Variants in RBP3 observed in about 807,000 individuals in gnomAD.
RBP3 encodes retinol-binding protein 3.
Under a neutral mutation model 64.8 loss-of-function variants are expected in RBP3, and 50 were observed. The ratio of observed to expected loss-of-function variants is 0.77; its 90% confidence interval spans 0.61 to 0.98. The LOEUF (loss-of-function observed/expected upper bound fraction) is 0.98. Among genes scored for constraint, RBP3 ranks in the 50% least tolerant of loss-of-function variants. The pLI, the probability that RBP3 is intolerant of heterozygous loss-of-function variation, is 0.00. For synonymous variants in RBP3, 828 were observed against 730.2 expected (o/e 1.13, Z -2.16); for missense variants, 1,712 against 1,660.5 (o/e 1.03, Z -0.54).
Position 47,350,320 on chromosome 10 carries a change from G to A in RBP3, c.1836G>A (p.Val612=), listed in dbSNP as rs782420993. Residue 612 remains valine, a synonymous_variant, in exon 1 of 4, where the codon GTG becomes GTA. Coordinates refer to ENST00000584701, the MANE Select transcript of RBP3 (RefSeq NM_002900.3). ...AGGCCTGGCTGGGTGGTGGAGTGGTGCCCGATGCCATCGTGCTGGCCGAGG... is the reference window on the plus strand; with the variant it reads ...AGGCCTGGCTGGGTGGTGGAGTGGTACCCGATGCCATCGTGCTGGCCGAGG... ...HGEAWLGGGV[V]PDAIVLAEEA... is the part of the protein sequence containing the mutation. The A allele has an allele frequency of 1.2e-6, 2 of 1,610,872 alleles. No homozygotes were observed. The highest frequency in any genetic ancestry group is 1.7e-6 in the Non-Finnish European group (2 of 1,179,922).
rs151075954 is a variant in RBP3 at position 47,349,069 on chromosome 10, C to A, written c.585C>A (p.His195Gln). ...TGCACCCAGGGAACACCATCCTGCACGTGGACACTATCTACAACCGCCCCT... is the reference window on the plus strand; with the variant it reads ...TGCACCCAGGGAACACCATCCTGCAAGTGGACACTATCTACAACCGCCCCT... ...SYLHPGNTIL[H>Q]VDTIYNRPSN... The change falls in exon 1 of 4, where the codon CAC becomes CAA. Residue 195 changes from histidine (H) to glutamine (Q), a missense_variant. Coordinates refer to ENST00000584701, the MANE Select transcript of RBP3 (RefSeq NM_002900.3). The A allele has an allele frequency of 3.7e-6, 6 of 1,614,006 alleles. No homozygotes were observed. The South Asian group carries it at 6.6e-5, about 18-fold the overall frequency.
rs34691259 is a variant in RBP3, at chr10:47,350,731, C to T, written c.2247C>T (p.Asp749=). Residue 749 remains aspartate (D), a synonymous_variant, in exon 1 of 4, where the codon GAC becomes GAT. Coordinates refer to ENST00000584701, the MANE Select transcript of RBP3 (RefSeq NM_002900.3). ...LPGQLGYLRF[D]AMAELETVKA... ...GCCAGCTGGGCTACCTGCGTTTTGA[C>T]GCCATGGCTGAACTGGAGACAGTGA... The T allele has an allele frequency of 4.7e-3, 7,631 of 1,613,168 alleles. 271 individuals carry two copies. In the African/African-American group the frequency reaches 0.083, roughly 18 times the overall value.
chr10:47,349,722 C>T lies in RBP3; in HGVS notation c.1238C>T (p.Pro413Leu). ...GCCGAAGACTCACCAGGGGTGGCCC[C>T]AGAGTTGCCTGAGGACGAGGCTATC... The part of the protein sequence containing the change: ...AAAEDSPGVA[P>L]ELPEDEAIRQ... Residue 413 changes from proline to leucine, a missense_variant, in exon 1 of 4, where the codon CCA becomes CTA. Transcript: ENST00000584701. 6.2e-7 allele frequency: 1 copy of T among 1,612,230 alleles called. No homozygotes were observed. Among genetic ancestry groups the T allele is most frequent in the Non-Finnish European group, 8.5e-7 (1 of 1,180,008 alleles).
In RBP3 at chr10:47,349,292, A is replaced by G; in HGVS notation, c.808A>G (p.Arg270Gly). 6.2e-7 allele frequency: 1 copy of G among 1,612,892 alleles called. No individual in the cohort carries two copies. ...GGGALDLRKL[R>G]IGESDFFFTV... ...AGGGGCCCTGGACCTCCGGAAGCTG[A>G]GGATAGGCGAGTCTGACTTCTTCTT... The change falls in exon 1 of 4, where the codon AGG (arginine) becomes GGG (glycine). Residue 270 changes from arginine to glycine, a missense_variant. Arg to Gly is a moderately radical substitution (Grantham distance 125). Transcript: ENST00000584701.
intron 1 of RBP3, 125 bp from the exon 2 acceptor site, chr10:47,353,200 T>C: frequency 1.2e-6 from 1 of 868,400 alleles, no homozygotes; most frequent in South Asian, 1.4e-5. Context: ...CCCTGGTGTC[T>C]ACTAATTCCT....
rs1360716758 is a variant in RBP3, at chr10:47,348,946, C to A, written c.462C>A (p.His154Gln). Residue 154 changes from histidine (H) to glutamine (Q), a missense_variant, in exon 1 of 4, where the codon CAC becomes CAA. Transcript: ENST00000584701. ...LSMMGEFLVA[H>Q]VWGNLMGTSA... ...TGATGGGGGAGTTCCTGGTGGCCCACGTGTGGGGGAATCTCATGGGCACCT... is the reference window on the plus strand; with the variant it reads ...TGATGGGGGAGTTCCTGGTGGCCCAAGTGTGGGGGAATCTCATGGGCACCT... The A allele has an allele frequency of 1.9e-6, 3 of 1,613,896 alleles. No individual in the cohort carries two copies. The highest frequency in any genetic ancestry group is 1.3e-5 in the African/African-American group (1 of 75,058).
Position 47,351,420 on chromosome 10 carries a change from T to C in RBP3, c.2936T>C (p.Val979Ala). Residue 979 changes from valine (V) to alanine (A), a missense_variant, in exon 1 of 4, where the codon GTG becomes GCG. Coordinates refer to ENST00000584701, the MANE Select transcript of RBP3 (RefSeq NM_002900.3). ...CGCTACTCCAGGGTGACCTCAGAAG[T>C]GGCCCTAGCCGAGATCCTGGGGGCT... ...QSRYSRVTSE[V>A]ALAEILGADL... is the part of the protein sequence containing the mutation. 6.2e-7 allele frequency: 1 copy of C among 1,613,692 alleles called. No individual in the cohort carries two copies. The highest frequency in any genetic ancestry group is 2.2e-5 in the East Asian group (1 of 44,868).
rs1836903244 is a variant in RBP3 at position 47,349,143 on chromosome 10, G to C, written c.659G>C (p.Arg220Thr). The C allele has an allele frequency of 3.1e-6, 5 of 1,613,980 alleles. No homozygotes were observed. The highest frequency in any genetic ancestry group is 3.4e-6 in the Non-Finnish European group (4 of 1,180,042). Residue 220 changes from arginine to threonine, a missense_variant, in exon 1 of 4, where the codon AGG (arginine) becomes ACG (threonine). Arg to Thr is a moderately conservative substitution (Grantham distance 71). Transcript: ENST00000584701. Reference protein sequence around the residue: ...IWTLPQVLGERYGADKDVVVL... With the variant: ...IWTLPQVLGETYGADKDVVVL... ...ACCTTGCCCCAGGTCCTGGGAGAAA[G>C]GTACGGTGCCGACAAGGATGTGGTG... is the stretch of plus-strand genomic sequence containing the variant.
Position 47,351,243 on chromosome 10 carries a change from T to A in RBP3, c.2759T>A (p.Met920Lys), listed in dbSNP as rs1836968277. Residue 920 changes from methionine to lysine, a missense_variant, in exon 1 of 4, where the codon ATG becomes AAG. Transcript: ENST00000584701. The part of the protein sequence containing the change: ...AGVEPDITVP[M>K]SEALSIAQDI... ...GTGGAGCCCGACATCACTGTGCCCA[T>A]GAGCGAAGCCCTTTCCATAGCCCAG... 4 of 1,613,360 alleles carry A rather than the reference T, an allele frequency of 2.5e-6. No homozygotes were observed. Among genetic ancestry groups the A allele is most frequent in the South Asian group, 2.2e-5 (2 of 91,084 alleles).
rs144162826 is a variant in RBP3 at position 47,349,180 on chromosome 10, C to T, written c.696C>T (p.Ser232=). 2 of 1,613,632 alleles carry T rather than the reference C, an allele frequency of 1.2e-6. No individual in the cohort carries two copies. The highest frequency in any genetic ancestry group is 1.7e-6 in the Non-Finnish European group (2 of 1,180,046). ...GADKDVVVLT[S]SQTRGVAEDI... Reference sequence around the variant, plus strand: ...ACAAGGATGTGGTGGTCCTCACCAGCAGCCAGACCAGGGGCGTGGCCGAGG... The same window carrying T: ...ACAAGGATGTGGTGGTCCTCACCAGTAGCCAGACCAGGGGCGTGGCCGAGG... Residue 232 remains serine (S), a synonymous_variant, in exon 1 of 4, where the codon AGC becomes AGT. Transcript: ENST00000584701.
intron 2 of RBP3, among the ~76,000 whole-genome samples, chr10:47,354,781 A>G (rs556538935): frequency 6.6e-6 from 1 of 152,250 alleles, no homozygotes; most frequent in South Asian, 2.1e-4. Context: ...AGGCTCCTTA[A>G]CACATCACTA....
chr10:47,353,182 G>A, intron 1 of RBP3, 143 bp from the exon 2 acceptor site: 2 of 742,590 alleles, frequency 2.7e-6, no homozygotes, highest in Non-Finnish European at 4.7e-6. Flanking sequence ...ACATGCCACT[G>A]GGAAAGTCCC....
rs565151254 is a variant in RBP3 at position 47,355,608 on chromosome 10, A to G, written c.3388+90A>G. 1.9e-6 allele frequency: 3 copies of G among 1,547,074 alleles called. No individual in the cohort carries two copies. In the African/African-American group the frequency reaches 4.1e-5, roughly 21 times the overall value. ...CAGCTTGGGTGTAGGTAAAAGTCATAGTAACCAGAATGTAAGGCCCTGTCC... is the reference window on the plus strand; with the variant it reads ...CAGCTTGGGTGTAGGTAAAAGTCATGGTAACCAGAATGTAAGGCCCTGTCC... On this transcript the variant is annotated intron_variant, in intron 3 of 3. Transcript: ENST00000584701.
At chr10:47,354,474 A>C (rs1837020999) in intron 2 of RBP3, among the ~76,000 whole-genome samples, 1 of 152,136 alleles carries the variant, frequency 6.6e-6, no homozygotes, top group Admixed American at 6.6e-5. Context: ...CCTCCCTGGG[A>C]GATAAAACAT....
In RBP3 at chr10:47,348,613, G is replaced by T. The variant is rs1284181576; in HGVS notation, c.129G>T (p.Glu43Asp). Reference protein sequence around the residue: ...KVLLDNYCFPENLLGMQEAIQ... With the variant: ...KVLLDNYCFPDNLLGMQEAIQ... ...TCTTGGATAACTACTGCTTCCCGGA[G>T]AACCTGCTGGGCATGCAGGAAGCCA... The change falls in exon 1 of 4, where the codon GAG (glutamate) becomes GAT (aspartate). Residue 43 changes from glutamate to aspartate, a missense_variant. Coordinates refer to ENST00000584701, the MANE Select transcript of RBP3 (RefSeq NM_002900.3). 6.2e-7 allele frequency: 1 copy of T among 1,613,374 alleles called. No homozygotes were observed. The highest frequency in any genetic ancestry group is 8.5e-7 in the Non-Finnish European group (1 of 1,180,034).
chr10:47,355,641 G>A (rs782034888), intron 3 of RBP3, 123 bp downstream of exon 3: 1 of 1,216,568 alleles, frequency 8.2e-7, no homozygotes, highest in Non-Finnish European at 1.2e-6. Context: ...TCCTAGTCCA[G>A]GCACTAGATG....
chr10:47,350,213 C>T lies in RBP3; in HGVS notation c.1729C>T (p.Arg577Cys), dbSNP rs149750989. ...EITAGNLLHT[R>C]TVPLLDTPEG... ...CACCGCGGGCAACCTGCTGCACACC[C>T]GCACGGTGCCGCTGCTGGACACACC... is the stretch of plus-strand genomic sequence containing the variant. The change falls in exon 1 of 4, where the codon CGC becomes TGC. Residue 577 changes from arginine (R) to cysteine (C), a missense_variant. Coordinates refer to ENST00000584701, the MANE Select transcript of RBP3 (RefSeq NM_002900.3). The T allele has an allele frequency of 6.8e-6, 11 of 1,609,262 alleles. No homozygotes were observed. The highest frequency in any genetic ancestry group is 2.2e-5 in the East Asian group (1 of 44,882).
Position 47,349,035 on chromosome 10 carries a change from TCTC to T in RBP3, c.554_556del (p.Ser185del). On this transcript the variant is annotated inframe_deletion, in exon 1 of 4. Transcript: ENST00000584701. ...CAGGTCTCTGGCATTCCCTACATCA[TCTC>T]CTACCTGCACCCAGGGAACACCATC... 1 of 1,613,828 alleles carries T rather than the reference TCTC, an allele frequency of 6.2e-7. No individual in the cohort carries two copies. Among genetic ancestry groups the T allele is most frequent in the Non-Finnish European group, 8.5e-7 (1 of 1,179,958 alleles).
chr10:47,357,501 G>T lies in RBP3; in HGVS notation c.*44G>T, dbSNP rs782712566. 54 of 1,546,278 alleles carry T rather than the reference G, an allele frequency of 3.5e-5. No homozygotes were observed. In the South Asian group the frequency reaches 5.2e-4, roughly 15 times the overall value. On this transcript the variant is annotated 3_prime_UTR_variant, in exon 4 of 4. Transcript: ENST00000584701. The stretch of plus-strand genomic sequence containing the variant: ...GAGCCCCAGGGCAGACAGAACCTCT[G>T]GGACACACACCAAGGGCACTCCTGC...
Sources: allele counts gnomAD v4.1 joint callset (sites outside exome capture counted in the v4.1 genomes callset), GRCh38; gene constraint gnomAD v4.1.1; transcripts MANE v1.5; gene names NCBI Gene and HGNC (gene_info 2026-07-23, HGNC 2026-07-21).